Variants in ASTN2 observed in about 807,000 individuals in gnomAD.
The protein encoded by ASTN2 is astrotactin 2, also known as astrotactin-2.
A neutral mutation model predicts 139.8 loss-of-function variants in ASTN2; 54 were observed. The ratio of observed to expected loss-of-function variants is 0.39; its 90% confidence interval spans 0.31 to 0.48. The LOEUF (loss-of-function observed/expected upper bound fraction) is 0.48. Among genes scored for constraint, ASTN2 ranks in the 20% least tolerant of loss-of-function variants. The pLI, the probability that ASTN2 is intolerant of heterozygous loss-of-function variation, is 0.95. For missense variants in ASTN2, 1,565 were observed against 1,725.1 expected (o/e 0.91, Z 1.64); for synonymous variants, 756 against 719.5 (o/e 1.05, Z -0.81).
At chr9:116,963,203 G>A (rs1266250088) in intron 10 of ASTN2, among the ~76,000 whole-genome samples, 1 of 152,164 alleles carries the variant, frequency 6.6e-6, no homozygotes, top group Non-Finnish European at 1.5e-5. Context: ...ATTCTCAAAA[G>A]GATGCTCAGA....
chr9:116,821,905 T>A (rs563611255), intron 11 of ASTN2, among the ~76,000 whole-genome samples: 6 of 152,170 alleles, frequency 3.9e-5, no homozygotes, highest in African/African-American at 1.4e-4. Flanking sequence ...GCTGAGCTCA[T>A]CTTCTCCATC....
chr9:117,298,732 GTA>G (rs368189490), intron 1 of ASTN2, among the ~76,000 whole-genome samples: 1,609 of 111,882 alleles, frequency 0.014, 22 homozygotes, highest in African/African-American at 0.035. Flanking sequence ...GTGTGTGTGT[GTA>G]TATATATATA....
chr9:117,171,420 C>T (rs1047925649), intron 3 of ASTN2, among the ~76,000 whole-genome samples: 6 of 152,132 alleles, frequency 3.9e-5, no homozygotes, highest in African/African-American at 1.4e-4. Context: ...CAGTACTTTT[C>T]TCAAAGCACT....
At chr9:117,078,173 G>C (rs946559462) in intron 5 of ASTN2, among the ~76,000 whole-genome samples, 1 of 152,140 alleles carries the variant, frequency 6.6e-6, no homozygotes, top group African/African-American at 2.4e-5. Context: ...ATCCTGTAGA[G>C]CATCAGAGCT....
At chr9:117,234,825 C>T (rs1049582591) in intron 2 of ASTN2, among the ~76,000 whole-genome samples, 2 of 152,218 alleles carry the variant, frequency 1.3e-5, no homozygotes, top group African/African-American at 4.8e-5. Flanking sequence ...GTGGCCATTT[C>T]AAGGTGTGTT....
At chr9:117,329,180 C>CTTTTTTTTTTTT (rs749880987) in intron 1 of ASTN2, among the ~76,000 whole-genome samples, 2 of 82,578 alleles carry the variant, frequency 2.4e-5, no homozygotes, top group African/African-American at 4.7e-5. Flanking sequence ...CTTCCAAGTT[C>CTTTTTTTTTTTT]TTTTTTTTTT....
intron 2 of ASTN2, among the ~76,000 whole-genome samples, chr9:117,253,782 G>A (rs939822401): frequency 2.0e-5 from 3 of 152,138 alleles, no homozygotes; most frequent in African/African-American, 7.2e-5. Context: ...GGGGAGGATG[G>A]GCCTACGATA....
At chr9:117,355,966 G>A (rs1217755191) in intron 1 of ASTN2, among the ~76,000 whole-genome samples, 2 of 152,170 alleles carry the variant, frequency 1.3e-5, no homozygotes, top group Non-Finnish European at 2.9e-5. Context: ...GAGATCAGGG[G>A]ACAGAGGGAA....
rs1554748694 is a variant in ASTN2 at position 116,803,522 on chromosome 9, A to ATAT, written c.2396+2109_2396+2110insATA. On this transcript the variant is annotated intron_variant, in intron 13 of 22. Coordinates refer to ENST00000313400, the MANE Select transcript of ASTN2 (RefSeq NM_001365068.1). ...TATATATATATATATATATATATAT[A>ATAT]TTTTTTTTTTTTTTTTTTTTTAGAC... Among the ~76,000 whole-genome samples the ATAT allele has an allele frequency of 5.7e-4, 12 of 21,116 alleles. No individual in the cohort carries two copies. The East Asian group carries it at 0.01, about 18-fold the overall frequency. The allele number at this position is 21,116 out of a possible 152,430, so 13.9% of individuals were successfully genotyped here.
At chr9:116,704,228 T>C (rs910306956) in intron 16 of ASTN2, among the ~76,000 whole-genome samples, 1 of 152,226 alleles carries the variant, frequency 6.6e-6, no homozygotes, top group Non-Finnish European at 1.5e-5. Context: ...CCCTTCTAGC[T>C]CTAAGATTTT....
chr9:116,877,480 A>G (rs1001654391), intron 10 of ASTN2, among the ~76,000 whole-genome samples: 19 of 152,182 alleles, frequency 1.2e-4, no homozygotes, highest in African/African-American at 4.6e-4. Flanking sequence ...CTATACATCT[A>G]TGCCTATGCC....
chr9:116,452,552 T>C (rs1848207223), intron 20 of ASTN2, among the ~76,000 whole-genome samples: 1 of 152,232 alleles, frequency 6.6e-6, no homozygotes, highest in African/African-American at 2.4e-5. Context: ...GACACAGTGC[T>C]AGAAGCTTTT....
At chr9:117,153,599 T>A (rs1222519617) in intron 3 of ASTN2, among the ~76,000 whole-genome samples, 1 of 152,132 alleles carries the variant, frequency 6.6e-6, no homozygotes, top group Non-Finnish European at 1.5e-5. Flanking sequence ...CAGAACTGCA[T>A]AAATATCCTC....
At chr9:116,682,114 G>C (rs758720579) in intron 16 of ASTN2, among the ~76,000 whole-genome samples, 1 of 151,780 alleles carries the variant, frequency 6.6e-6, no homozygotes, top group Non-Finnish European at 1.5e-5. Context: ...GAAAATTTTC[G>C]CAACCTACTT....
At chr9:116,597,303 T>TTGTTTTTTTTG (rs1276755018) in intron 19 of ASTN2, among the ~76,000 whole-genome samples, 2 of 123,376 alleles carry the variant, frequency 1.6e-5, no homozygotes, top group South Asian at 5.8e-4. Flanking sequence ...TGATCTATTT[T>TTGTTTTTTTTG]TTTTTTTTTT....
chr9:117,245,107 G>A (rs1352582711), intron 2 of ASTN2, among the ~76,000 whole-genome samples: 1 of 152,064 alleles, frequency 6.6e-6, no homozygotes, highest in South Asian at 2.1e-4. Flanking sequence ...ATCCTCCGTG[G>A]CCTCCACGGT....
chr9:117,299,536 C>A (rs746267457), intron 1 of ASTN2, among the ~76,000 whole-genome samples: 1 of 152,104 alleles, frequency 6.6e-6, no homozygotes, highest in Non-Finnish European at 1.5e-5. Context: ...AGAATTGGCA[C>A]AAGGGAAGGA....
chr9:117,262,568 C>A (rs1037235725), intron 2 of ASTN2, among the ~76,000 whole-genome samples: 1 of 152,066 alleles, frequency 6.6e-6, no homozygotes, highest in Non-Finnish European at 1.5e-5. Context: ...GCCACCTAAC[C>A]CAGAGTTGGC....
At chr9:116,842,699 C>A (rs1832298480) in intron 11 of ASTN2, among the ~76,000 whole-genome samples, 1 of 134,652 alleles carries the variant, frequency 7.4e-6, no homozygotes, top group South Asian at 2.6e-4. Context: ...TCAATTTGTG[C>A]TGGACTTCGG....
Sources: gnomAD v4.1 joint callset for allele counts (sites outside exome capture counted in the v4.1 genomes callset) on GRCh38, gnomAD v4.1.1 for gene constraint, MANE v1.5 for transcripts, NCBI Gene and HGNC (gene_info 2026-07-23, HGNC 2026-07-21) for gene names.